FAM13A: variants seen among roughly 807,000 people sequenced by gnomAD.
FAM13A encodes the protein protein FAM13A.
Under a neutral mutation model 129.6 loss-of-function variants are expected in FAM13A, and 76 were observed. The ratio of observed to expected loss-of-function variants is 0.59; its 90% CI spans 0.49 to 0.71. The LOEUF (loss-of-function observed/expected upper bound fraction) is 0.71. FAM13A is among the 30% of genes least tolerant of loss of function. FAM13A has a pLI of 0.00. For missense variants in FAM13A, 1,108 were observed against 1,249.3 expected, an observed-to-expected ratio of 0.89 and a Z score of 1.70; for synonymous variants, 443 against 449.9, an observed-to-expected ratio of 0.98 and a Z score of 0.20.
chr4:88,979,418 T>C (rs1761354810), intron 4 of FAM13A, among the ~76,000 whole-genome samples: 1 of 152,204 alleles, frequency 6.6e-6, no homozygotes, highest in Admixed American at 6.5e-5. Context: ...GAAACAGTTA[T>C]TAAGTGGTGA....
intron 10 of FAM13A, among the ~76,000 whole-genome samples, chr4:88,781,968 T>G (rs1287097924): frequency 2.0e-5 from 3 of 150,398 alleles, no homozygotes; most frequent in Non-Finnish European, 4.4e-5. Flanking sequence ...TGTGCACATG[T>G]ACCCTAAAAC....
intron 7 of FAM13A, among the ~76,000 whole-genome samples, chr4:88,818,977 G>A (rs13133548): frequency 0.49 from 74,989 of 151,990 alleles, 18,735 homozygotes; most frequent in East Asian, 0.65. Flanking sequence ...TCTAAAGAGC[G>A]ATGCTTAGGA....
At chr4:88,928,342 G>T (rs375011571) in intron 5 of FAM13A, among the ~76,000 whole-genome samples, 108 of 148,590 alleles carry the variant, frequency 7.3e-4, no homozygotes, top group African/African-American at 2.4e-3. Flanking sequence ...GCGAATGTCT[G>T]CTAAGTCCGT....
chr4:88,851,209 G>A (rs776219203), intron 6 of FAM13A, 26 bp from the exon 7 acceptor site: 2 of 1,523,778 alleles, frequency 1.3e-6, no homozygotes, highest in Admixed American at 3.9e-5. Context: ...AAGAGGGGTG[G>A]GGGAGAGCTA....
At chr4:88,810,589 T>C (rs1409184028) in intron 7 of FAM13A, among the ~76,000 whole-genome samples, 2 of 152,070 alleles carry the variant, frequency 1.3e-5, no homozygotes, top group Non-Finnish European at 2.9e-5. Flanking sequence ...TAGAAAAACA[T>C]GCCTAACAAA....
chr4:88,727,093 G>A lies in FAM13A; in HGVS notation c.*1440C>T, dbSNP rs1736610015. 6.6e-6 allele frequency: 1 copy of A among 152,262 alleles called. No individual in the cohort carries two copies. The highest frequency in any genetic ancestry group is 2.4e-5 in the African/African-American group (1 of 41,452). The allele number at this position is 152,262 out of a possible 1,614,324, so 9.4% of individuals were successfully genotyped here. A position where few individuals can be genotyped will look rare whatever the true frequency, so the allele number is the denominator to read the frequency against. ...TCCTTAAAACTGTGCCCTTTCAGAA[G>A]GCAACTTTCAAAACATACGAGGGTG... On this transcript the variant is annotated 3_prime_UTR_variant, in exon 24 of 24. Transcript: ENST00000264344.
chr4:88,919,307 A>C (rs937174119), intron 5 of FAM13A, among the ~76,000 whole-genome samples: 10 of 152,240 alleles, frequency 6.6e-5, no homozygotes, highest in Non-Finnish European at 1.5e-4. Context: ...AATGCACAGA[A>C]TTGATTCACC....
At chr4:88,796,987 T>C (rs1342985354) in intron 8 of FAM13A, among the ~76,000 whole-genome samples, 1 of 152,098 alleles carries the variant, frequency 6.6e-6, no homozygotes, top group African/African-American at 2.4e-5. Flanking sequence ...GTCAACCTAA[T>C]AAAATAAGAA....
chr4:88,742,590 ATAC>A (rs1740495187), intron 19 of FAM13A, among the ~76,000 whole-genome samples: 2 of 152,236 alleles, frequency 1.3e-5, no homozygotes, highest in Middle Eastern at 3.2e-3. Flanking sequence ...AGGCTCAGTG[ATAC>A]TACAAGTTAA....
chr4:88,897,785 A>T (rs1347771831), intron 6 of FAM13A, among the ~76,000 whole-genome samples: 1 of 152,206 alleles, frequency 6.6e-6, no homozygotes, highest in Admixed American at 6.5e-5. Context: ...AACTGGAGAA[A>T]AGAAGATTTT....
chr4:88,764,921 C>G (rs1159253149), intron 13 of FAM13A, among the ~76,000 whole-genome samples: 6 of 152,218 alleles, frequency 3.9e-5, no homozygotes, highest in African/African-American at 1.4e-4. Context: ...CAATGCCCAT[C>G]TGAGATCTCA....
chr4:88,733,414 TA>T (rs1333682969), intron 21 of FAM13A, among the ~76,000 whole-genome samples: 1 of 152,238 alleles, frequency 6.6e-6, no homozygotes, highest in Non-Finnish European at 1.5e-5. Flanking sequence ...TTTAAATTGT[TA>T]AAAACATTTA....
intron 6 of FAM13A, among the ~76,000 whole-genome samples, chr4:88,896,336 G>C (rs913805220): frequency 1.3e-5 from 2 of 151,508 alleles, no homozygotes; most frequent in African/African-American, 4.9e-5. Context: ...CGAGTTAGTG[G>C]GTGCAGCACA....
chr4:88,760,132 A>G (rs1050993835), intron 13 of FAM13A, among the ~76,000 whole-genome samples: 3 of 152,256 alleles, frequency 2.0e-5, no homozygotes, highest in African/African-American at 7.2e-5. Context: ...AGCACTACTT[A>G]AGACTTGCAG....
At position 88,956,843 on chromosome 4, in the gene FAM13A, T is replaced by C. The variant is rs528560071; in HGVS notation, c.606-18602A>G. Reference sequence around the variant, plus strand: ...CCACCTATAATGGCCCTTGTGATTATATTGAGCTTATAATACAGTTTGGAT... The same window carrying C: ...CCACCTATAATGGCCCTTGTGATTACATTGAGCTTATAATACAGTTTGGAT... On this transcript the variant is annotated intron_variant, in intron 4 of 23. Transcript: ENST00000264344. Among the ~76,000 whole-genome samples the C allele has an allele frequency of 2.2e-4, 33 of 152,344 alleles. 1 individual carries two copies. The highest frequency in any genetic ancestry group is 7.7e-4 in the African/African-American group (32 of 41,574).
chr4:88,839,755 A>T (rs150370679), intron 7 of FAM13A, among the ~76,000 whole-genome samples: 1 of 152,332 alleles, frequency 6.6e-6, no homozygotes, highest in East Asian at 1.9e-4. Flanking sequence ...GCCCATACTC[A>T]GAAGGGCCCT....
intron 5 of FAM13A, among the ~76,000 whole-genome samples, chr4:88,931,752 T>G (rs555649800): frequency 2.6e-5 from 4 of 152,132 alleles, no homozygotes; most frequent in Non-Finnish European, 4.4e-5. Context: ...TAACTCACGA[T>G]CAAAAGAAGG....
chr4:89,029,704 C>T, intron 1 of FAM13A, 55 bp from the exon 2 acceptor site: 1 of 1,451,844 alleles, frequency 6.9e-7, no homozygotes, highest in Non-Finnish European at 9.5e-7. Flanking sequence ...CAGGAGGTTG[C>T]ATGGTTACAA....
chr4:88,882,084 C>T (rs1743671028), intron 6 of FAM13A, among the ~76,000 whole-genome samples: 1 of 152,130 alleles, frequency 6.6e-6, no homozygotes, highest in South Asian at 2.1e-4. Flanking sequence ...GAAAACTTCC[C>T]TGGCCTTGCT....
Sources: allele counts gnomAD v4.1 joint callset (sites outside exome capture counted in the v4.1 genomes callset), GRCh38; gene constraint gnomAD v4.1.1; transcripts MANE v1.5; gene names NCBI Gene and HGNC (gene_info 2026-07-23, HGNC 2026-07-21).